SHROOM4: variants seen among roughly 807,000 people sequenced by gnomAD.
The protein encoded by SHROOM4 is shroom family member 4, also known as protein Shroom4.
In SHROOM4, 17 loss-of-function variants were observed where a neutral mutation model predicts 80.3. The observed-to-expected ratio is 0.21, with a 90% CI of 0.14 to 0.32. The LOEUF (loss-of-function observed/expected upper bound fraction) is 0.32, where lower values mean the gene tolerates loss of function less well. Ranked by LOEUF, SHROOM4 falls within the 10% of genes least tolerant of loss-of-function variation. SHROOM4 has a pLI of 1.00. For missense variants in SHROOM4, 993 were observed against 1,140.3 expected, an observed-to-expected ratio of 0.87 and a Z score of 1.86; for synonymous variants, 400 against 437.5, an observed-to-expected ratio of 0.91 and a Z score of 1.07.
chrX:50,621,673 G>T (rs184134409), intron 5 of SHROOM4, among the ~76,000 whole-genome samples: 1 of 111,954 alleles, frequency 8.9e-6, no homozygotes, highest in East Asian at 2.8e-4. Flanking sequence ...TAATTCCTAA[G>T]TATTTAAATT....
rs782722763 is a variant in SHROOM4 at position 50,726,014 on chromosome X, G to A, written c.118-30077C>T. Among the ~76,000 whole-genome samples the A allele has an allele frequency of 6.3e-5, 7 of 112,000 alleles. No individual in the cohort carries two copies. In the South Asian group the frequency reaches 1.5e-3, roughly 24 times the overall value. ...GATTGATGGTGTTATGGACAATGAA[G>A]TCCACGCTGCGGTGGTCTCAGATAG... is the stretch of plus-strand genomic sequence containing the variant. On this transcript the variant is annotated intron_variant, in intron 1 of 8. Transcript: ENST00000376020.
At chrX:50,646,227 T>G (rs1442476394) in intron 2 of SHROOM4, among the ~76,000 whole-genome samples, 4 of 111,850 alleles carry the variant, frequency 3.6e-5, no homozygotes, top group Non-Finnish European at 7.5e-5. Flanking sequence ...CGTCCTTGAT[T>G]AGCTCTGTTT....
chrX:50,781,806 G>A (rs892009684), intron 1 of SHROOM4, among the ~76,000 whole-genome samples: 1 of 111,489 alleles, frequency 9.0e-6, no homozygotes, highest in Non-Finnish European at 1.9e-5. Flanking sequence ...CCTCTTCATG[G>A]TTTGCTCTCA....
intron 2 of SHROOM4, among the ~76,000 whole-genome samples, chrX:50,653,973 A>AT (rs2147350905): frequency 8.9e-6 from 1 of 111,945 alleles, no homozygotes; most frequent in African/African-American, 3.2e-5. Context: ...TTTGAGAACC[A>AT]TTACTGTAGC....
intron 1 of SHROOM4, among the ~76,000 whole-genome samples, chrX:50,732,964 C>T (rs782591583): frequency 2.7e-5 from 3 of 112,163 alleles, no homozygotes; most frequent in Non-Finnish European, 5.6e-5. Context: ...AAAGATATCA[C>T]AAGAAACCTA....
chrX:50,719,355 C>T (rs1557265230), intron 1 of SHROOM4, among the ~76,000 whole-genome samples: 1 of 111,067 alleles, frequency 9.0e-6, no homozygotes, highest in Non-Finnish European at 1.9e-5. Flanking sequence ...TTTGTTTCCA[C>T]CTCCTGCAAA....
At chrX:50,722,294 G>T (rs1180063842) in intron 1 of SHROOM4, among the ~76,000 whole-genome samples, 1 of 108,575 alleles carries the variant, frequency 9.2e-6, no homozygotes, top group Non-Finnish European at 1.9e-5. Context: ...GAAGGCCAGG[G>T]AATGTAGCTG....
intron 2 of SHROOM4, among the ~76,000 whole-genome samples, chrX:50,692,375 T>C (rs1028178467): frequency 1.8e-5 from 2 of 112,095 alleles, no homozygotes; most frequent in African/African-American, 3.2e-5. Context: ...ACCACCATTC[T>C]GATGCTCTCC....
intron 1 of SHROOM4, among the ~76,000 whole-genome samples, chrX:50,794,089 T>C (rs186012251): frequency 1.1e-4 from 12 of 111,304 alleles, no homozygotes; most frequent in African/African-American, 3.6e-4. Flanking sequence ...GCACATTTTG[T>C]ACTTTACAAA....
chrX:50,801,261 G>GGAGAGAGAGAGAGAGAGAGAGAGAGAGA (rs781878531), intron 1 of SHROOM4, among the ~76,000 whole-genome samples: 47 of 81,521 alleles, frequency 5.8e-4, no homozygotes, highest in African/African-American at 9.0e-4. Context: ...GAGAGAAAGA[G>GGAGAGAGAGAGAGAGAGAGAGAGAGAGA]GAGAGAGAGA....
intron 1 of SHROOM4, among the ~76,000 whole-genome samples, chrX:50,727,764 A>G (rs782195544): frequency 8.9e-6 from 1 of 111,980 alleles, no homozygotes; most frequent in Non-Finnish European, 1.9e-5. Flanking sequence ...AGTTCTTTAT[A>G]GCAGTGTGAA....
At chrX:50,798,534 A>C (rs911249155) in intron 1 of SHROOM4, among the ~76,000 whole-genome samples, 1 of 111,555 alleles carries the variant, frequency 9.0e-6, no homozygotes, top group East Asian at 2.8e-4. Flanking sequence ...GGGCTGAAGT[A>C]AAATTTTAAG....
At chrX:50,785,636 TAGAA>T (rs782198603) in intron 1 of SHROOM4, among the ~76,000 whole-genome samples, 61 of 111,739 alleles carry the variant, frequency 5.5e-4, no homozygotes, top group African/African-American at 1.9e-3. Flanking sequence ...ACTGTAGTGA[TAGAA>T]AGCACATCAA....
chrX:50,680,838 T>G (rs190481207), intron 2 of SHROOM4, among the ~76,000 whole-genome samples: 4 of 111,550 alleles, frequency 3.6e-5, no homozygotes, highest in Admixed American at 1.9e-4. Flanking sequence ...CCAATAGACA[T>G]GTCATTACAT....
intron 1 of SHROOM4, among the ~76,000 whole-genome samples, chrX:50,789,468 G>A (rs1935812945): frequency 9.0e-6 from 1 of 111,342 alleles, no homozygotes; most frequent in South Asian, 3.7e-4. Flanking sequence ...AAACAAAATA[G>A]AATGTACAAA....
At chrX:50,764,709 A>G (rs781992794) in intron 1 of SHROOM4, among the ~76,000 whole-genome samples, 1 of 112,065 alleles carries the variant, frequency 8.9e-6, no homozygotes, top group East Asian at 2.8e-4. Context: ...GGGAGAGAAT[A>G]TGTTTAGCTC....
chrX:50,668,124 A>C (rs1217864338), intron 2 of SHROOM4, among the ~76,000 whole-genome samples: 1 of 111,975 alleles, frequency 8.9e-6, no homozygotes, highest in Non-Finnish European at 1.9e-5. Flanking sequence ...CAGAGACAGG[A>C]CTTTCATCCA....
At chrX:50,711,250 T>TCCA (rs1933806580) in intron 1 of SHROOM4, among the ~76,000 whole-genome samples, 1 of 111,792 alleles carries the variant, frequency 8.9e-6, no homozygotes, top group South Asian at 3.8e-4. Flanking sequence ...AATCTTATTG[T>TCCA]ATGCCACCTG....
chrX:50,693,383 A>G (rs781937392), intron 2 of SHROOM4, among the ~76,000 whole-genome samples: 2 of 110,096 alleles, frequency 1.8e-5, no homozygotes, highest in African/African-American at 3.3e-5. Flanking sequence ...CCTGGCCAAC[A>G]TGGTGAAACT....
Sources: allele counts gnomAD v4.1 joint callset (sites outside exome capture counted in the v4.1 genomes callset), GRCh38; gene constraint gnomAD v4.1.1; transcripts MANE v1.5; gene names NCBI Gene and HGNC (gene_info 2026-07-23, HGNC 2026-07-21).